The following CAMTA1 variants were observed in gnomAD, a reference collection of about 807,000 sequenced individuals.
CAMTA1 encodes calmodulin-binding transcription activator 1.
Under a neutral mutation model 170.9 loss-of-function variants are expected in CAMTA1, and 27 were observed. The observed-to-expected ratio is 0.16, with a 90% confidence interval of 0.12 to 0.22. CAMTA1 has a LOEUF of 0.22. Among genes scored for constraint, CAMTA1 ranks in the 10% least tolerant of loss-of-function variants. The probability of loss-of-function intolerance (pLI) is 1.00; values close to 1 mark genes in which losing one functional copy is unlikely to be tolerated. For synonymous variants in CAMTA1, 833 were observed against 891.5 expected (o/e 0.93, Z 1.17); for missense variants, 1,619 against 2,217.2 (o/e 0.73, Z 5.42).
At chr1:6,821,598 C>T (rs549328215) in intron 2 of CAMTA1, among the ~76,000 whole-genome samples, 126 of 152,136 alleles carry the variant, frequency 8.3e-4, no homozygotes, top group African/African-American at 2.4e-3. Context: ...AAAGATTAAT[C>T]GTAATCAACT....
At chr1:7,648,992 G>A (rs1013408634) in intron 7 of CAMTA1, among the ~76,000 whole-genome samples, 4 of 152,234 alleles carry the variant, frequency 2.6e-5, no homozygotes, top group Non-Finnish European at 5.9e-5. Flanking sequence ...GAGGGCAGGC[G>A]TTGGAGGCCA....
intron 5 of CAMTA1, among the ~76,000 whole-genome samples, chr1:7,317,078 G>T (rs1299715137): frequency 6.6e-6 from 1 of 152,180 alleles, no homozygotes; most frequent in Admixed American, 6.5e-5. Context: ...GGAACCTGCT[G>T]TAGGGAGCAC....
At chr1:7,343,502 G>A (rs542961971) in intron 5 of CAMTA1, among the ~76,000 whole-genome samples, 156 of 152,316 alleles carry the variant, frequency 1.0e-3, no homozygotes, top group African/African-American at 3.7e-3. Context: ...TTCAGTTCAT[G>A]ACACACTATT....
chr1:7,715,752 G>A (rs375334460), intron 11 of CAMTA1, among the ~76,000 whole-genome samples: 7 of 152,230 alleles, frequency 4.6e-5, no homozygotes, highest in Non-Finnish European at 8.8e-5. Context: ...TAGGGGTAGG[G>A]TGCCAAGGGA....
chr1:6,797,292 C>T (rs1240001600), intron 1 of CAMTA1, among the ~76,000 whole-genome samples: 2 of 152,190 alleles, frequency 1.3e-5, no homozygotes, highest in Non-Finnish European at 1.5e-5. Flanking sequence ...TACTACAGGG[C>T]TCAAGTGATC....
At chr1:7,510,665 G>A (rs552560921) in intron 6 of CAMTA1, among the ~76,000 whole-genome samples, 3 of 146,354 alleles carry the variant, frequency 2.0e-5, no homozygotes, top group Admixed American at 6.8e-5. Flanking sequence ...TTCTTGGGGC[G>A]AGAATGTGTG....
At chr1:7,462,327 A>G (rs1442216288) in intron 5 of CAMTA1, among the ~76,000 whole-genome samples, 1 of 152,166 alleles carries the variant, frequency 6.6e-6, no homozygotes. Flanking sequence ...GTGCAGTGGC[A>G]TAATCTTGCC....
intron 3 of CAMTA1, among the ~76,000 whole-genome samples, chr1:6,902,192 GCATTTACAGCAAGACCCA>G (rs1677254328): frequency 6.6e-6 from 1 of 152,076 alleles, no homozygotes; most frequent in Admixed American, 6.5e-5. Context: ...TTACAAATCT[GCATTTACAGCAAGACCCA>G]GCAATCCCAC....
intron 4 of CAMTA1, among the ~76,000 whole-genome samples, chr1:7,166,068 A>G (rs1648350097): frequency 1.3e-5 from 2 of 148,808 alleles, no homozygotes; most frequent in South Asian, 4.3e-4. Context: ...TTACTTGGAT[A>G]CTCTCTTTTT....
At chr1:7,519,665 T>C (rs1387186511) in intron 6 of CAMTA1, among the ~76,000 whole-genome samples, 1 of 151,806 alleles carries the variant, frequency 6.6e-6, no homozygotes, top group East Asian at 1.9e-4. Flanking sequence ...TCAGGCCGCA[T>C]ACACAGCTGT....
chr1:7,320,202 T>G (rs1026758956), intron 5 of CAMTA1, among the ~76,000 whole-genome samples: 1 of 152,204 alleles, frequency 6.6e-6, no homozygotes, highest in African/African-American at 2.4e-5. Context: ...AAAGGAAAAC[T>G]TTCAATAATT....
chr1:6,964,011 G>A (rs998985414), intron 3 of CAMTA1, among the ~76,000 whole-genome samples: 3 of 152,054 alleles, frequency 2.0e-5, no homozygotes, highest in African/African-American at 7.2e-5. Context: ...AGAATCCTGG[G>A]TGCCTGGTTA....
chr1:7,119,755 G>A (rs1445380523), intron 4 of CAMTA1, among the ~76,000 whole-genome samples: 2 of 152,166 alleles, frequency 1.3e-5, no homozygotes, highest in Non-Finnish European at 2.9e-5. Flanking sequence ...TTCAGCTGCT[G>A]TTAATGGGAG....
At chr1:7,181,726 A>G (rs939606835) in intron 4 of CAMTA1, among the ~76,000 whole-genome samples, 4 of 151,374 alleles carry the variant, frequency 2.6e-5, no homozygotes, top group African/African-American at 9.7e-5. Flanking sequence ...TCTTGAACAA[A>G]TAGAAAGACA....
At position 6,971,275 on chromosome 1, in the gene CAMTA1, A is replaced by G. The variant is rs1190393463; in HGVS notation, c.235-120029A>G. Among the ~76,000 whole-genome samples, 1 of 152,226 alleles carries G rather than the reference A, an allele frequency of 6.6e-6. No homozygotes were observed. Among genetic ancestry groups the G allele is most frequent in the East Asian group, 1.9e-4 (1 of 5,200 alleles). On this transcript the variant is annotated intron_variant, in intron 3 of 22. Coordinates refer to ENST00000303635, the MANE Select transcript of CAMTA1 (RefSeq NM_015215.4). This position sits in a 1 kb window ranked among gnomAD's most constrained non-coding sequence, Gnocchi z 4.6. The stretch of plus-strand genomic sequence containing the variant: ...GCTGTCTGGGAGTGGGAGTATTTAT[A>G]GCAACGCCTCTTTTGCTGGAGTGTT...
In CAMTA1 at chr1:7,632,976, C is replaced by T. The variant is rs116490867; in HGVS notation, c.511-7424C>T. ...CAGTGTAAGTGACCTTACACATGAG[C>T]GCTGCTGGGGGCCAGGCCCGTCCTG... On this transcript the variant is annotated intron_variant, in intron 6 of 22. Transcript: ENST00000303635. 6.5e-3 allele frequency among the ~76,000 whole-genome samples: 997 copies of T among 152,348 alleles called. 13 individuals carry two copies. The highest frequency in any genetic ancestry group is 0.022 in the African/African-American group (928 of 41,588).
At chr1:6,799,466 G>C (rs1162151320) in intron 1 of CAMTA1, among the ~76,000 whole-genome samples, 2 of 152,216 alleles carry the variant, frequency 1.3e-5, no homozygotes, top group East Asian at 3.8e-4. Flanking sequence ...AGGTGGACCA[G>C]GAGCTAGAAG....
In CAMTA1 at chr1:7,041,747, C is replaced by T. The variant is rs113112992; in HGVS notation, c.235-49557C>T. 1.3e-5 allele frequency among the ~76,000 whole-genome samples: 2 copies of T among 152,184 alleles called. No homozygotes were observed. The highest frequency in any genetic ancestry group is 1.9e-4 in the East Asian group (1 of 5,202). On this transcript the variant is annotated intron_variant, in intron 3 of 22. Coordinates refer to ENST00000303635, the MANE Select transcript of CAMTA1 (RefSeq NM_015215.4). This position sits in a 1 kb window ranked among gnomAD's most constrained non-coding sequence, Gnocchi z 5.1. Reference sequence around the variant, plus strand: ...TGAGACGATATTGATATTCTACATCCGTTTTGAATTCCAAAGAATATCAGG... The same window carrying T: ...TGAGACGATATTGATATTCTACATCTGTTTTGAATTCCAAAGAATATCAGG...
At chr1:7,241,643 A>G (rs1181184485) in intron 4 of CAMTA1, among the ~76,000 whole-genome samples, 1 of 152,232 alleles carries the variant, frequency 6.6e-6, no homozygotes, top group Admixed American at 6.5e-5. Flanking sequence ...TCATATGTTT[A>G]TGGTCAATTT....
Sources: allele counts gnomAD v4.1 joint callset (sites outside exome capture counted in the v4.1 genomes callset), GRCh38; gene constraint gnomAD v4.1.1; non-coding constraint Gnocchi (gnomAD v3.1); transcripts MANE v1.5; gene names NCBI Gene and HGNC (gene_info 2026-07-23, HGNC 2026-07-21).